KIRREL3: variants seen among roughly 807,000 people sequenced by gnomAD.
The protein encoded by KIRREL3 is kin of IRRE-like protein 3.
Under a neutral mutation model 89.7 loss-of-function variants are expected in KIRREL3, and 36 were observed. The ratio of observed to expected loss-of-function variants is 0.40; its 90% CI spans 0.31 to 0.53. The LOEUF is 0.53. Among genes scored for constraint, KIRREL3 ranks in the 20% least tolerant of loss-of-function variants. The pLI is 0.49. For missense variants in KIRREL3, 864 were observed against 1,056.6 expected (o/e 0.82, Z 2.53); for synonymous variants, 445 against 441.4 (o/e 1.01, Z -0.10).
chr11:126,604,607 C>T (rs1419221275), intron 1 of KIRREL3, among the ~76,000 whole-genome samples: 1 of 152,190 alleles, frequency 6.6e-6, no homozygotes, highest in East Asian at 1.9e-4. Flanking sequence ...GGGTTCTGAT[C>T]CGTTGGCTTA....
chr11:126,425,821 G>A, intron 15 of KIRREL3, 97 bp from the exon 16 acceptor site: 1 of 955,502 alleles, frequency 1.0e-6, no homozygotes. Context: ...AGATTGCCCT[G>A]TATAACCCCC....
intron 1 of KIRREL3, among the ~76,000 whole-genome samples, chr11:126,857,790 G>GGGGGCA (rs1429979337): frequency 8.1e-6 from 1 of 123,514 alleles, no homozygotes; most frequent in Admixed American, 8.2e-5. Context: ...TGTGGGGGTG[G>GGGGGCA]GGTGGGTGAG....
Position 126,763,388 on chromosome 11 carries a change from C to T in KIRREL3, c.56-200476G>A, listed in dbSNP as rs2134274911. ...GTGCTCCTCACTTCCTCCATCTGCT[C>T]AGCACCCAACAGTGCTCTGATGCAG... is the stretch of plus-strand genomic sequence containing the variant. On this transcript the variant is annotated intron_variant, in intron 1 of 16. Coordinates refer to ENST00000525144, the MANE Select transcript of KIRREL3 (RefSeq NM_032531.4). The surrounding 1 kb of genome is among the most constrained non-coding windows in gnomAD (Gnocchi z 4.7). Among the ~76,000 whole-genome samples, 1 of 152,326 alleles carries T rather than the reference C, an allele frequency of 6.6e-6. No homozygotes were observed. Among genetic ancestry groups the T allele is most frequent in the Admixed American group, 6.5e-5 (1 of 15,308 alleles).
chr11:126,540,518 G>A (rs1938279209), intron 2 of KIRREL3, among the ~76,000 whole-genome samples: 1 of 152,234 alleles, frequency 6.6e-6, no homozygotes, highest in African/African-American at 2.4e-5. Context: ...CCGAGGCAGG[G>A]TGAGTCCAAA....
chr11:126,792,790 A>G (rs185373132), intron 1 of KIRREL3, among the ~76,000 whole-genome samples: 3 of 152,368 alleles, frequency 2.0e-5, no homozygotes, highest in Admixed American at 2.0e-4. Context: ...GTCTTAATCC[A>G]GTTTTATAAA....
rs1949025847 is a variant in KIRREL3, at chr11:126,742,866, G to T, written c.56-179954C>A. 6.6e-6 allele frequency among the ~76,000 whole-genome samples: 1 copy of T among 152,172 alleles called. No homozygotes were observed. Among genetic ancestry groups the T allele is most frequent in the Non-Finnish European group, 1.5e-5 (1 of 68,036 alleles). The stretch of plus-strand genomic sequence containing the variant: ...CTCCTCTCTGAAGAGGCAAGAAAAA[G>T]ATTCTGAAGATGATGGATCTGCATT... On this transcript the variant is annotated intron_variant, in intron 1 of 16. Coordinates refer to ENST00000525144, the MANE Select transcript of KIRREL3 (RefSeq NM_032531.4). The surrounding 1 kb of genome is among the most constrained non-coding windows in gnomAD (Gnocchi z 5.3).
chr11:126,506,987 G>T (rs1466946093), intron 4 of KIRREL3, among the ~76,000 whole-genome samples: 1 of 152,084 alleles, frequency 6.6e-6, no homozygotes, highest in African/African-American at 2.4e-5. Context: ...ACTGGCGAAT[G>T]GATAAACAGA....
chr11:126,452,536 T>C (rs1428886615), intron 7 of KIRREL3, among the ~76,000 whole-genome samples: 1 of 152,216 alleles, frequency 6.6e-6, no homozygotes, highest in African/African-American at 2.4e-5. Context: ...GCCCAGGTGA[T>C]AGGGCCAAGC....
intron 7 of KIRREL3, among the ~76,000 whole-genome samples, chr11:126,451,479 T>TGAAC (rs1956157513): frequency 2.7e-5 from 4 of 149,030 alleles, no homozygotes; most frequent in African/African-American, 1.0e-4. Flanking sequence ...TGTGCATGTG[T>TGAAC]GTGTGCGCAT....
intron 1 of KIRREL3, among the ~76,000 whole-genome samples, chr11:126,749,906 G>A (rs1361745149): frequency 6.6e-6 from 1 of 152,156 alleles, no homozygotes; most frequent in Admixed American, 6.5e-5. Flanking sequence ...TGTGGAGACC[G>A]AATCAGGGCT....
At position 126,796,406 on chromosome 11, in the gene KIRREL3, T is replaced by C. The variant is rs1034515521; in HGVS notation, c.55+204049A>G. 3.3e-5 allele frequency among the ~76,000 whole-genome samples: 5 copies of C among 152,148 alleles called. No individual in the cohort carries two copies. The highest frequency in any genetic ancestry group is 7.2e-5 in the African/African-American group (3 of 41,448). On this transcript the variant is annotated intron_variant, in intron 1 of 16. Transcript: ENST00000525144. This position sits in a 1 kb window ranked among gnomAD's most constrained non-coding sequence, Gnocchi z 5.1. ...ATTCTGCCCGTCCTGTCCCGCAGCA[T>C]TGGGTGTGGAGGAAGGCTGAAGGAG...
intron 1 of KIRREL3, among the ~76,000 whole-genome samples, chr11:126,937,693 A>G (rs970189179): frequency 7.2e-5 from 11 of 151,730 alleles, no homozygotes; most frequent in South Asian, 2.1e-4. Context: ...AGGTCAGGAG[A>G]TCAAGACCAT....
chr11:126,749,206 G>A (rs1026564337), intron 1 of KIRREL3, among the ~76,000 whole-genome samples: 2 of 152,230 alleles, frequency 1.3e-5, no homozygotes, highest in East Asian at 3.9e-4. Flanking sequence ...CGTTCATTTC[G>A]ACTGTTTTCG....
chr11:126,463,017 T>A lies in KIRREL3; in HGVS notation c.742+140A>T. On this transcript the variant is annotated intron_variant, in intron 6 of 16. Coordinates refer to ENST00000525144, the MANE Select transcript of KIRREL3 (RefSeq NM_032531.4). The surrounding 1 kb of genome is among the most constrained non-coding windows in gnomAD (Gnocchi z 5.9). The stretch of plus-strand genomic sequence containing the variant: ...AAGGAAGACAAGATGGTCCTTCCTG[T>A]CCGTATCTACAAGCTGGCCAATCCA... 2.7e-5 allele frequency: 20 copies of A among 733,098 alleles called. No individual in the cohort carries two copies. In the South Asian group the frequency reaches 3.8e-4, roughly 14 times the overall value. The allele number at this position is 733,098 out of a possible 1,614,324, so 45.4% of individuals were successfully genotyped here.
At chr11:126,929,645 A>T (rs1632175) in intron 1 of KIRREL3, among the ~76,000 whole-genome samples, 50,821 of 152,126 alleles carry the variant, frequency 0.33, 9,084 homozygotes, top group Middle Eastern at 0.55. Flanking sequence ...CCAGAGTTCC[A>T]TCCAGGAAGC....
chr11:126,944,666 C>T (rs184530453), intron 1 of KIRREL3, among the ~76,000 whole-genome samples: 14 of 152,084 alleles, frequency 9.2e-5, no homozygotes, highest in South Asian at 2.1e-4. Flanking sequence ...TGAGGCTCCC[C>T]GCACCTCTGC....
In KIRREL3 at chr11:126,904,321, C is replaced by T. The variant is rs954981915; in HGVS notation, c.55+96134G>A. Among the ~76,000 whole-genome samples the T allele has an allele frequency of 3.3e-5, 5 of 152,094 alleles. No individual in the cohort carries two copies. The highest frequency in any genetic ancestry group is 1.2e-4 in the African/African-American group (5 of 41,418). ...AATGTCTGTATTTTATGGCCCGAAG[C>T]CCCCAAACTCATGATTATTTGCTAT... On this transcript the variant is annotated intron_variant, in intron 1 of 16. Coordinates refer to ENST00000525144, the MANE Select transcript of KIRREL3 (RefSeq NM_032531.4). The surrounding 1 kb of genome is among the most constrained non-coding windows in gnomAD (Gnocchi z 4.4).
chr11:126,454,816 G>T lies in KIRREL3; in HGVS notation c.848+1533C>A, dbSNP rs1956285566. 6.6e-6 allele frequency among the ~76,000 whole-genome samples: 1 copy of T among 152,184 alleles called. No homozygotes were observed. Among genetic ancestry groups the T allele is most frequent in the Non-Finnish European group, 1.5e-5 (1 of 68,026 alleles). On this transcript the variant is annotated intron_variant, in intron 7 of 16. Coordinates refer to ENST00000525144, the MANE Select transcript of KIRREL3 (RefSeq NM_032531.4). This position sits in a 1 kb window ranked among gnomAD's most constrained non-coding sequence, Gnocchi z 5.8. The stretch of plus-strand genomic sequence containing the variant: ...TCAGAAGGGACCCTGGAGGTCATCT[G>T]TTCTTTCTTCTGACTCTAGTCAAGC...
rs912543876 is a variant in KIRREL3 at position 126,908,449 on chromosome 11, C to T, written c.55+92006G>A. On this transcript the variant is annotated intron_variant, in intron 1 of 16. Transcript: ENST00000525144. This position sits in a 1 kb window ranked among gnomAD's most constrained non-coding sequence, Gnocchi z 4.2. ...GGCAAGTCACTTTAACCTCTCTGTG[C>T]TCTGGTTTTCTCATATGCAATGTGG... is the stretch of plus-strand genomic sequence containing the variant. Among the ~76,000 whole-genome samples the T allele has an allele frequency of 6.6e-6, 1 of 152,206 alleles. No individual in the cohort carries two copies. Among genetic ancestry groups the T allele is most frequent in the Non-Finnish European group, 1.5e-5 (1 of 68,038 alleles).
Sources: gnomAD v4.1 joint callset for allele counts (sites outside exome capture counted in the v4.1 genomes callset) on GRCh38, gnomAD v4.1.1 for gene constraint, Gnocchi (gnomAD v3.1) non-coding constraint, MANE v1.5 for transcripts, NCBI Gene and HGNC (gene_info 2026-07-23, HGNC 2026-07-21) for gene names.